COL9A1: variants seen among roughly 807,000 people sequenced by gnomAD.
COL9A1 encodes collagen type IX alpha 1 chain.
In COL9A1, 104 loss-of-function variants were observed where a neutral mutation model predicts 142.6. That is an observed-to-expected ratio of 0.73 (90% CI 0.62 to 0.86). The LOEUF (loss-of-function observed/expected upper bound fraction) is 0.86. COL9A1 is among the 40% of genes least tolerant of loss of function. The pLI is 0.00. For missense variants in COL9A1, 1,210 were observed against 1,176.6 expected (o/e 1.03, Z -0.42); for synonymous variants, 466 against 396.0 (o/e 1.18, Z -2.10).
chr6:70,280,737 C>T (rs1296809869), intron 10 of COL9A1, 75 bp downstream of exon 10: 2 of 1,503,650 alleles, frequency 1.3e-6, no homozygotes, highest in Non-Finnish European at 1.8e-6. Flanking sequence ...CTCCCTCCCC[C>T]CCCACAAAAC....
chr6:70,290,837 G>A (rs914438098), intron 5 of COL9A1, among the ~76,000 whole-genome samples: 2 of 152,106 alleles, frequency 1.3e-5, no homozygotes, highest in South Asian at 4.1e-4. Context: ...GAATGCAATT[G>A]CATGAAGGAA....
intron 36 of COL9A1, among the ~76,000 whole-genome samples, chr6:70,227,967 T>G (rs1193625815): frequency 6.6e-6 from 1 of 152,118 alleles, no homozygotes; most frequent in Non-Finnish European, 1.5e-5. Context: ...CTTGTAAGGA[T>G]ATGTAAGAAA....
chr6:70,249,968 G>A (rs746635094), intron 28 of COL9A1, among the ~76,000 whole-genome samples: 29 of 152,244 alleles, frequency 1.9e-4, no homozygotes, highest in Admixed American at 3.3e-4. Context: ...GCTCTTTAAA[G>A]TGACTAATAC....
In COL9A1 at chr6:70,238,361, C is replaced by G. The variant is rs114065154; in HGVS notation, c.2112+893G>C. Among the ~76,000 whole-genome samples the G allele has an allele frequency of 8.0e-3, 1,214 of 152,292 alleles. 23 individuals are homozygous for G. Among genetic ancestry groups the G allele is most frequent in the African/African-American group, 0.028 (1,171 of 41,558 alleles). On this transcript the variant is annotated intron_variant, in intron 33 of 37. Transcript: ENST00000357250. ...AATTCCTTTCCAATTAGCAAGTCAT[C>G]TCAGGTTTCCTACTAAGTGATTCTA...
intron 36 of COL9A1, among the ~76,000 whole-genome samples, chr6:70,232,262 A>T (rs897530173): frequency 4.6e-5 from 7 of 152,300 alleles, no homozygotes; most frequent in South Asian, 2.1e-4. Context: ...AATAAATAAA[A>T]AATAGCTGAA....
intron 5 of COL9A1, among the ~76,000 whole-genome samples, chr6:70,285,511 C>T (rs1773415156): frequency 6.6e-6 from 1 of 152,194 alleles, no homozygotes; most frequent in African/African-American, 2.4e-5. Context: ...TACTCACTGA[C>T]AAAGTATATG....
chr6:70,221,332 T>G (rs1357775523), intron 37 of COL9A1, among the ~76,000 whole-genome samples: 2 of 152,352 alleles, frequency 1.3e-5, no homozygotes, highest in Non-Finnish European at 1.5e-5. Context: ...AGACTTTTTG[T>G]ATGTACCAGG....
At chr6:70,247,544 T>C (rs1446866493) in intron 28 of COL9A1, among the ~76,000 whole-genome samples, 1 of 152,204 alleles carries the variant, frequency 6.6e-6, no homozygotes, top group Non-Finnish European at 1.5e-5. Context: ...TCACTATACT[T>C]AGTCTGTACT....
chr6:70,300,609 C>T (rs1774029162), intron 2 of COL9A1, among the ~76,000 whole-genome samples: 1 of 152,078 alleles, frequency 6.6e-6, no homozygotes, highest in Admixed American at 6.5e-5. Context: ...TACCTCCATG[C>T]CTCTACGATT....
At chr6:70,259,780 G>A (rs1296034864) in intron 20 of COL9A1, among the ~76,000 whole-genome samples, 1 of 152,088 alleles carries the variant, frequency 6.6e-6, no homozygotes, top group Non-Finnish European at 1.5e-5. Flanking sequence ...ACTTGATAAA[G>A]GTCTTATTCC....
intron 35 of COL9A1, among the ~76,000 whole-genome samples, chr6:70,232,988 G>A (rs1769653388): frequency 1.3e-5 from 2 of 152,192 alleles, no homozygotes; most frequent in African/African-American, 2.4e-5. Flanking sequence ...GATATATTTG[G>A]TCCTGTTGTT....
chr6:70,254,830 A>G (rs1224750435), intron 24 of COL9A1, 133 bp downstream of exon 24: 8 of 874,628 alleles, frequency 9.1e-6, no homozygotes, highest in Non-Finnish European at 1.1e-5. Flanking sequence ...CACTTGATTC[A>G]AAAATTAAAG....
At chr6:70,219,792 C>A (rs944456043) in intron 37 of COL9A1, among the ~76,000 whole-genome samples, 5 of 152,158 alleles carry the variant, frequency 3.3e-5, no homozygotes, top group African/African-American at 1.2e-4. Flanking sequence ...ATAAATATCT[C>A]CCAATGTTTA....
chr6:70,242,844 T>G, intron 28 of COL9A1, 129 bp from the exon 29 acceptor site: 2 of 782,940 alleles, frequency 2.6e-6, no homozygotes, highest in Non-Finnish European at 4.5e-6. Flanking sequence ...TCCTACATAG[T>G]GCCTACAGCA....
chr6:70,236,258 AT>A (rs373453974), intron 33 of COL9A1, among the ~76,000 whole-genome samples: 38 of 151,316 alleles, frequency 2.5e-4, no homozygotes, highest in Admixed American at 1.2e-3. Flanking sequence ...TACAAGTTAG[AT>A]TTTTTTTTAG....
In COL9A1 at chr6:70,300,109, A is replaced by T. The variant is rs756422834; in HGVS notation, c.233T>A (p.Val78Glu). ...AASRRAIQRV[V>E]GSATLQVAYK... ...AGCCACCTGCAATGTAGCTGATCCC[A>T]CTACTCTCTGGATAGCTCTTCTAGA... The change falls in exon 4 of 38, where the codon GTG (valine) becomes GAG (glutamate). Residue 78 changes from valine (V) to glutamate (E), a missense_variant. Coordinates refer to ENST00000357250, the MANE Select transcript of COL9A1 (RefSeq NM_001851.6). The T allele has an allele frequency of 6.2e-7, 1 of 1,613,850 alleles. No individual in the cohort carries two copies. Among genetic ancestry groups the T allele is most frequent in the Non-Finnish European group, 8.5e-7 (1 of 1,179,814 alleles).
At chr6:70,295,281 CTTTTTTTTTTTTT>C (rs1171549562) in intron 4 of COL9A1, among the ~76,000 whole-genome samples, 2 of 63,130 alleles carry the variant, frequency 3.2e-5, no homozygotes, top group African/African-American at 6.4e-5. Context: ...GTTGTTGCTT[CTTTTTTTTTTTTT>C]TTTTTTTTTT....
chr6:70,241,850 G>C (rs1770280026), intron 30 of COL9A1, 114 bp downstream of exon 30: 1 of 911,524 alleles, frequency 1.1e-6, no homozygotes, highest in Non-Finnish European at 1.8e-6. Flanking sequence ...CTTGATAGCT[G>C]TTTATGATAA....
chr6:70,219,957 C>A (rs992683894), intron 37 of COL9A1, among the ~76,000 whole-genome samples: 1 of 152,184 alleles, frequency 6.6e-6, no homozygotes, highest in Non-Finnish European at 1.5e-5. Context: ...CAACACACTT[C>A]AGGAGAAGTT....
Sources: gnomAD v4.1 joint callset for allele counts (sites outside exome capture counted in the v4.1 genomes callset) on GRCh38, gnomAD v4.1.1 for gene constraint, MANE v1.5 for transcripts, NCBI Gene and HGNC (gene_info 2026-07-23, HGNC 2026-07-21) for gene names.